SH3PXD2A: variants seen among roughly 807,000 people sequenced by gnomAD.
SH3PXD2A encodes the protein SH3 and PX domains 2A.
SH3PXD2A carries 32 observed loss-of-function variants against 115.2 expected under a neutral mutation model. The observed-to-expected ratio is 0.28, with a 90% CI of 0.21 to 0.37. The LOEUF is 0.37. Among genes scored for constraint, SH3PXD2A ranks in the 10% least tolerant of loss-of-function variants. SH3PXD2A has a pLI of 1.00. For missense variants in SH3PXD2A, 1,328 were observed against 1,498.7 expected, an observed-to-expected ratio of 0.89 and a Z score of 1.88; for synonymous variants, 610 against 629.1, an observed-to-expected ratio of 0.97 and a Z score of 0.45.
At chr10:103,645,167 C>G (rs2037017582) in intron 8 of SH3PXD2A, among the ~76,000 whole-genome samples, 1 of 152,200 alleles carries the variant, frequency 6.6e-6, no homozygotes, top group Non-Finnish European at 1.5e-5. Context: ...ACCAAGAGCT[C>G]TCTGAGGACA....
At chr10:103,710,281 A>T (rs2038032059) in intron 5 of SH3PXD2A, among the ~76,000 whole-genome samples, 2 of 152,174 alleles carry the variant, frequency 1.3e-5, no homozygotes, top group African/African-American at 4.8e-5. Flanking sequence ...AGGCTGAGGC[A>T]GGAGAATCGC....
chr10:103,798,756 C>T (rs1589459358), intron 2 of SH3PXD2A, among the ~76,000 whole-genome samples: 1 of 152,246 alleles, frequency 6.6e-6, no homozygotes, highest in African/African-American at 2.4e-5. Flanking sequence ...GGCTCCCACC[C>T]TGCCCCAGAG....
intron 1 of SH3PXD2A, among the ~76,000 whole-genome samples, chr10:103,804,907 C>A (rs761476503): frequency 6.6e-6 from 1 of 152,150 alleles, no homozygotes; most frequent in South Asian, 2.1e-4. Flanking sequence ...TCCCCTCCCA[C>A]CTGCATCTCT....
chr10:103,618,259 C>T (rs1796000189), intron 10 of SH3PXD2A, among the ~76,000 whole-genome samples: 1 of 152,208 alleles, frequency 6.6e-6, no homozygotes, highest in East Asian at 1.9e-4. Context: ...AGCCTCTCTC[C>T]TGGCAGGAGG....
intron 3 of SH3PXD2A, among the ~76,000 whole-genome samples, chr10:103,755,728 G>A (rs1016307427): frequency 6.6e-6 from 1 of 152,218 alleles, no homozygotes; most frequent in East Asian, 1.9e-4. Flanking sequence ...GGAGCCCAAA[G>A]TCATTGCTCA....
At chr10:103,629,496 C>T (rs1456800654) in intron 8 of SH3PXD2A, among the ~76,000 whole-genome samples, 1 of 152,210 alleles carries the variant, frequency 6.6e-6, no homozygotes, top group Non-Finnish European at 1.5e-5. Flanking sequence ...TTGGGGCATG[C>T]AGTACCCTTG....
intron 1 of SH3PXD2A, among the ~76,000 whole-genome samples, chr10:103,833,113 C>T (rs1295128731): frequency 1.3e-5 from 2 of 152,180 alleles, no homozygotes; most frequent in Non-Finnish European, 2.9e-5. Context: ...AAATTGCTAA[C>T]TATGGCACTC....
In SH3PXD2A at chr10:103,603,070, G is replaced by A. The variant is rs143236434; in HGVS notation, c.2148C>T (p.Gly716=). The A allele has an allele frequency of 7.9e-4, 1,269 of 1,613,540 alleles. 5 individuals are homozygous for A. The highest frequency in any genetic ancestry group is 4.8e-3 in the African/African-American group (358 of 75,064). ...SSSSSLSKTS[G]DLKPRSASDA... is the part of the protein sequence containing the mutation. Reference sequence around the variant, plus strand: ...CCGAAGCAGAGCGGGGCTTCAGGTCGCCACTGGTTTTGGACAAGGAAGAGG... The same window carrying A: ...CCGAAGCAGAGCGGGGCTTCAGGTCACCACTGGTTTTGGACAAGGAAGAGG... The change falls in exon 15 of 15, where the codon GGC becomes GGT. Residue 716 remains glycine (G), a synonymous_variant. Coordinates refer to ENST00000369774, the MANE Select transcript of SH3PXD2A (RefSeq NM_001394015.1).
At chr10:103,744,921 G>A (rs989389981) in intron 3 of SH3PXD2A, among the ~76,000 whole-genome samples, 1 of 152,170 alleles carries the variant, frequency 6.6e-6, no homozygotes, top group Non-Finnish European at 1.5e-5. Flanking sequence ...TACAGTGCCC[G>A]ATTTTCTTTT....
At chr10:103,785,959 C>T (rs1377313412) in intron 2 of SH3PXD2A, among the ~76,000 whole-genome samples, 1 of 151,966 alleles carries the variant, frequency 6.6e-6, no homozygotes, top group African/African-American at 2.4e-5. Flanking sequence ...GGAACAAACA[C>T]AGCCACAGCC....
chr10:103,850,986 C>T (rs574429756), intron 1 of SH3PXD2A, among the ~76,000 whole-genome samples: 1 of 152,124 alleles, frequency 6.6e-6, no homozygotes, highest in Non-Finnish European at 1.5e-5. Context: ...AGAGTGACAG[C>T]CCAAGGTTGC....
intron 13 of SH3PXD2A, chr10:103,609,581 G>C (rs535464855): frequency 1.3e-5 from 2 of 152,324 alleles, no homozygotes; most frequent in South Asian, 4.1e-4. Flanking sequence ...TTTAACAACT[G>C]TTTGTTGTGT....
intron 1 of SH3PXD2A, among the ~76,000 whole-genome samples, chr10:103,815,763 C>A (rs1176017938): frequency 6.6e-6 from 1 of 151,796 alleles, no homozygotes; most frequent in Admixed American, 6.6e-5. Flanking sequence ...GTGGCACACG[C>A]CTGTAATCCC....
intron 7 of SH3PXD2A, among the ~76,000 whole-genome samples, chr10:103,664,922 C>T (rs147647125): frequency 0.026 from 3,943 of 152,242 alleles, 180 homozygotes; most frequent in African/African-American, 0.09. Flanking sequence ...ATCTGCCCGC[C>T]TTGGCCTCCC....
intron 7 of SH3PXD2A, among the ~76,000 whole-genome samples, chr10:103,664,037 G>A (rs899579078): frequency 1.3e-5 from 2 of 152,244 alleles, no homozygotes; most frequent in Admixed American, 1.3e-4. Context: ...CTGCCAGCTG[G>A]GCAGAGGCAG....
At chr10:103,732,930 G>T (rs957958166) in intron 4 of SH3PXD2A, among the ~76,000 whole-genome samples, 1 of 152,206 alleles carries the variant, frequency 6.6e-6, no homozygotes, top group Non-Finnish European at 1.5e-5. Flanking sequence ...GCTGTGAAAT[G>T]CATAGCTAGG....
At chr10:103,706,148 A>G (rs1236947749) in intron 5 of SH3PXD2A, among the ~76,000 whole-genome samples, 1 of 152,234 alleles carries the variant, frequency 6.6e-6, no homozygotes, top group Non-Finnish European at 1.5e-5. Flanking sequence ...AGTGGGTCAC[A>G]GTGTCACAGC....
At chr10:103,747,738 C>A (rs1308038227) in intron 3 of SH3PXD2A, among the ~76,000 whole-genome samples, 1 of 152,206 alleles carries the variant, frequency 6.6e-6, no homozygotes, top group Non-Finnish European at 1.5e-5. Context: ...CCTGGCCAGG[C>A]CAGCCACAGG....
intron 6 of SH3PXD2A, among the ~76,000 whole-genome samples, chr10:103,684,023 C>T (rs1012326948): frequency 2.6e-5 from 4 of 152,252 alleles, no homozygotes; most frequent in African/African-American, 9.6e-5. Context: ...GCCACTGCCT[C>T]GTCTCCCTCC....
Sources: allele counts gnomAD v4.1 joint callset (sites outside exome capture counted in the v4.1 genomes callset), GRCh38; gene constraint gnomAD v4.1.1; transcripts MANE v1.5; gene names NCBI Gene and HGNC (gene_info 2026-07-23, HGNC 2026-07-21).